The following SHTN1 variants were observed in gnomAD, a reference collection of about 807,000 sequenced individuals.
The protein encoded by SHTN1 is shootin-1.
In SHTN1, 42 loss-of-function variants were observed where a neutral mutation model predicts 83.1. The observed-to-expected ratio is 0.51, with a 90% CI of 0.39 to 0.65. The LOEUF (loss-of-function observed/expected upper bound fraction) is 0.65. Ranked by LOEUF, SHTN1 falls within the 30% of genes least tolerant of loss-of-function variation. The pLI, the probability that SHTN1 is intolerant of heterozygous loss-of-function variation, is 0.00. For missense variants in SHTN1, 622 were observed against 737.8 expected, an observed-to-expected ratio of 0.84 and a Z score of 1.82; for synonymous variants, 224 against 247.7, an observed-to-expected ratio of 0.90 and a Z score of 0.90.
At chr10:116,950,695 G>C (rs1362619305) in intron 6 of SHTN1, among the ~76,000 whole-genome samples, 4 of 152,086 alleles carry the variant, frequency 2.6e-5, no homozygotes, top group Non-Finnish European at 5.9e-5. Context: ...TTTAGTGTAG[G>C]CTTTATTTTT....
intron 14 of SHTN1, among the ~76,000 whole-genome samples, chr10:116,910,681 C>T (rs1458077100): frequency 6.6e-6 from 1 of 152,152 alleles, no homozygotes; most frequent in Non-Finnish European, 1.5e-5. Context: ...CATGAATTAG[C>T]ATTATAACAC....
intron 2 of SHTN1, among the ~76,000 whole-genome samples, chr10:117,027,267 G>A (rs573066121): frequency 1.3e-4 from 20 of 152,206 alleles, no homozygotes; most frequent in African/African-American, 4.6e-4. Flanking sequence ...TCCCTTTGAT[G>A]CTGTTCTTGG....
chr10:116,904,940 G>A (rs922824624), intron 15 of SHTN1, among the ~76,000 whole-genome samples: 4 of 152,102 alleles, frequency 2.6e-5, no homozygotes, highest in Non-Finnish European at 4.4e-5. Context: ...GGTGGCTCAC[G>A]CCTGTAATCC....
chr10:117,105,279 C>T (rs1853656122), intron 1 of SHTN1, among the ~76,000 whole-genome samples: 1 of 152,150 alleles, frequency 6.6e-6, no homozygotes, highest in Admixed American at 6.5e-5. Context: ...AAAAGGTACA[C>T]AGTAAATATT....
chr10:117,057,413 T>C (rs559267681), intron 1 of SHTN1, among the ~76,000 whole-genome samples: 3 of 152,114 alleles, frequency 2.0e-5, no homozygotes, highest in African/African-American at 7.2e-5. Context: ...GAGAGCTGGG[T>C]TGTAATCACG....
chr10:116,962,949 T>C (rs532854425), intron 3 of SHTN1, among the ~76,000 whole-genome samples: 67 of 150,964 alleles, frequency 4.4e-4, no homozygotes, highest in African/African-American at 1.6e-3. Flanking sequence ...CATGACCCCA[T>C]TTCCAAAACC....
chr10:117,089,475 T>TA (rs1482739685), intron 1 of SHTN1, among the ~76,000 whole-genome samples: 2 of 152,110 alleles, frequency 1.3e-5, no homozygotes, highest in African/African-American at 4.8e-5. Context: ...ACTTGAGACT[T>TA]AAAACTATAA....
At chr10:116,946,439 T>C (rs1849580934) in intron 7 of SHTN1, among the ~76,000 whole-genome samples, 1 of 145,902 alleles carries the variant, frequency 6.9e-6, no homozygotes, top group South Asian at 2.1e-4. Flanking sequence ...TGTAAATAAA[T>C]GTATAAATTA....
At chr10:116,972,593 C>T (rs1473939073) in intron 2 of SHTN1, among the ~76,000 whole-genome samples, 1 of 152,228 alleles carries the variant, frequency 6.6e-6, no homozygotes, top group Non-Finnish European at 1.5e-5. Context: ...CTTTCCACCA[C>T]ACAGAAGCCC....
chr10:117,093,835 C>T (rs1853469080), intron 1 of SHTN1, among the ~76,000 whole-genome samples: 1 of 152,152 alleles, frequency 6.6e-6, no homozygotes, highest in South Asian at 2.1e-4. Context: ...ATATGATTTT[C>T]TATACATGAC....
At chr10:116,903,275 G>A (rs1847819469) in intron 15 of SHTN1, among the ~76,000 whole-genome samples, 1 of 152,158 alleles carries the variant, frequency 6.6e-6, no homozygotes, top group Admixed American at 6.5e-5. Context: ...GCTCATGCCT[G>A]TAATCCCAGC....
At chr10:116,916,134 T>C (rs1195141663) in intron 12 of SHTN1, among the ~76,000 whole-genome samples, 1 of 152,220 alleles carries the variant, frequency 6.6e-6, no homozygotes, top group Non-Finnish European at 1.5e-5. Context: ...TAATTCCATT[T>C]GATTTTAAAA....
chr10:117,017,229 C>T (rs934901502), intron 2 of SHTN1, among the ~76,000 whole-genome samples: 12 of 152,276 alleles, frequency 7.9e-5, no homozygotes, highest in South Asian at 2.1e-4. Flanking sequence ...CGGTGGCTCA[C>T]GCCTGTAATC....
chr10:117,004,974 C>A (rs1473082552), intron 1 of SHTN1, 48 bp downstream of exon 1: 4 of 1,542,138 alleles, frequency 2.6e-6, no homozygotes, highest in East Asian at 2.4e-5. Flanking sequence ...GGGCCGTCCC[C>A]GCCCACGGGC....
chr10:117,104,316 C>G lies in SHTN1; in HGVS notation c.-189+21991G>C, dbSNP rs1320315856. Reference sequence around the variant, plus strand: ...GTAAGCATGCTAATAACTAAGAATTCTCAGTTTGTATTGCACAGCAGTACA... The same window carrying G: ...GTAAGCATGCTAATAACTAAGAATTGTCAGTTTGTATTGCACAGCAGTACA... On this transcript the variant is annotated intron_variant, in intron 1 of 17. Coordinates refer to the SHTN1 transcript ENST00000392901. 2.6e-5 allele frequency among the ~76,000 whole-genome samples: 4 copies of G among 152,092 alleles called. No individual in the cohort carries two copies. The South Asian group carries it at 8.3e-4, about 32-fold the overall frequency.
rs370537856 is a variant in SHTN1 at position 117,121,828 on chromosome 10, C to G, written c.-189+4479G>C. 7.2e-4 allele frequency among the ~76,000 whole-genome samples: 109 copies of G among 152,076 alleles called. 2 individuals carry two copies. Among genetic ancestry groups the G allele is most frequent in the Admixed American group, 5.8e-3 (88 of 15,286 alleles). On this transcript the variant is annotated intron_variant, in intron 1 of 17. Transcript: ENST00000392901. The stretch of plus-strand genomic sequence containing the variant: ...CTGGCAGATCACGAGGTCAGGAGAT[C>G]GAGACCATCCTGGCTAACACAGTGC...
chr10:116,916,345 T>C (rs1848381967), intron 12 of SHTN1, among the ~76,000 whole-genome samples: 1 of 152,216 alleles, frequency 6.6e-6, no homozygotes, highest in Non-Finnish European at 1.5e-5. Flanking sequence ...TCACCATTAA[T>C]GCAGTTCTAG....
chr10:117,124,156 A>G (rs1192806430), intron 1 of SHTN1, among the ~76,000 whole-genome samples: 4 of 150,470 alleles, frequency 2.7e-5, no homozygotes, highest in Non-Finnish European at 5.9e-5. Context: ...AGCTGCAGTG[A>G]GCCATGATCT....
chr10:117,082,504 T>C (rs961755831), intron 1 of SHTN1, among the ~76,000 whole-genome samples: 8 of 152,052 alleles, frequency 5.3e-5, no homozygotes, highest in African/African-American at 1.9e-4. Context: ...GAAAAAAATG[T>C]ATACTCTGTT....
Sources: allele counts gnomAD v4.1 joint callset (sites outside exome capture counted in the v4.1 genomes callset), GRCh38; gene constraint gnomAD v4.1.1; transcripts MANE v1.5; gene names NCBI Gene and HGNC (gene_info 2026-07-23, HGNC 2026-07-21).